Variants in RHOBTB1 observed in about 807,000 individuals in gnomAD.
The protein encoded by RHOBTB1 is rho-related BTB domain-containing protein 1.
A neutral mutation model predicts 71.6 loss-of-function variants in RHOBTB1; 40 were observed. The observed-to-expected ratio is 0.56, with a 90% confidence interval of 0.43 to 0.73. RHOBTB1 has a LOEUF of 0.73. RHOBTB1 is among the 30% of genes least tolerant of loss of function. RHOBTB1 has a pLI of 0.00. For missense variants in RHOBTB1, 797 were observed against 894.0 expected (o/e 0.89, Z 1.38); for synonymous variants, 319 against 334.9 (o/e 0.95, Z 0.52).
At chr10:60,976,899 G>A (rs1242956635) in intron 2 of RHOBTB1, among the ~76,000 whole-genome samples, 1 of 151,926 alleles carries the variant, frequency 6.6e-6, no homozygotes, top group Non-Finnish European at 1.5e-5. Flanking sequence ...AATCATCTGC[G>A]CCTTTGACAG....
chr10:60,970,217 T>C (rs1232947506), intron 2 of RHOBTB1, among the ~76,000 whole-genome samples: 1 of 152,096 alleles, frequency 6.6e-6, no homozygotes, highest in Non-Finnish European at 1.5e-5. Flanking sequence ...TGGTTATTTG[T>C]GGTTACAAGT....
chr10:60,971,727 C>T (rs1047898930), intron 2 of RHOBTB1, among the ~76,000 whole-genome samples: 5 of 152,122 alleles, frequency 3.3e-5, no homozygotes, highest in Non-Finnish European at 5.9e-5. Flanking sequence ...TTCTGCACAG[C>T]AAAAGAAACT....
downstream of RHOBTB1, among the ~76,000 whole-genome samples, chr10:60,864,961 G>A (rs2080630468): frequency 6.6e-6 from 1 of 152,212 alleles, no homozygotes; most frequent in Non-Finnish European, 1.5e-5. Flanking sequence ...AAAGTGCTGG[G>A]ATTACAGGCT....
intron 2 of RHOBTB1, among the ~76,000 whole-genome samples, chr10:60,925,631 A>T (rs1274364206): frequency 2.0e-5 from 3 of 152,150 alleles, no homozygotes; most frequent in Admixed American, 6.5e-5. Flanking sequence ...AACAAAATGA[A>T]TTTTTTTGAC....
chr10:60,997,016 T>C (rs1054786559), intron 1 of RHOBTB1, among the ~76,000 whole-genome samples: 1 of 151,740 alleles, frequency 6.6e-6, no homozygotes, highest in African/African-American at 2.4e-5. Flanking sequence ...TTTTTGAACA[T>C]GCTTGATTTG....
At chr10:60,894,101 CT>C (rs2082051585) in intron 4 of RHOBTB1, among the ~76,000 whole-genome samples, 1 of 152,152 alleles carries the variant, frequency 6.6e-6, no homozygotes, top group Admixed American at 6.5e-5. Context: ...AAACACCTTC[CT>C]TTTAAATCAT....
intron 1 of RHOBTB1, among the ~76,000 whole-genome samples, chr10:60,999,697 T>G (rs753831757): frequency 6.6e-6 from 1 of 152,216 alleles, no homozygotes; most frequent in African/African-American, 2.4e-5. Context: ...AAGAGGCATA[T>G]TTCATGGATT....
At chr10:60,925,620 C>A (rs1290265226) in intron 2 of RHOBTB1, among the ~76,000 whole-genome samples, 1 of 151,524 alleles carries the variant, frequency 6.6e-6, no homozygotes, top group African/African-American at 2.4e-5. Context: ...TAGAAAAAAT[C>A]AACAAAATGA....
In RHOBTB1 at chr10:60,871,438, G is replaced by C; in HGVS notation, c.*44C>G. 1 of 1,589,896 alleles carries C rather than the reference G, an allele frequency of 6.3e-7. No homozygotes were observed. Among genetic ancestry groups the C allele is most frequent in the Non-Finnish European group, 8.6e-7 (1 of 1,165,024 alleles). ...TAGTGCTTTGAAAAGTGGTGGATCA[G>C]ATTACCGATTGGTTTCTGTTTTTTG... On this transcript the variant is annotated 3_prime_UTR_variant, in exon 11 of 11. Transcript: ENST00000337910.
chr10:60,876,800 C>A (rs957764722), intron 8 of RHOBTB1, among the ~76,000 whole-genome samples: 2 of 152,152 alleles, frequency 1.3e-5, no homozygotes, highest in African/African-American at 4.8e-5. Flanking sequence ...ACTTTGATCT[C>A]CAGGTGGTTG....
At chr10:60,893,627 T>C (rs7078521) in intron 4 of RHOBTB1, among the ~76,000 whole-genome samples, 2 of 152,140 alleles carry the variant, frequency 1.3e-5, no homozygotes, top group Non-Finnish European at 2.9e-5. Context: ...ATTTAACATA[T>C]AACTAGGCGA....
chr10:60,986,430 T>TATATATAA (rs1216930797), intron 1 of RHOBTB1, among the ~76,000 whole-genome samples: 2 of 136,890 alleles, frequency 1.5e-5, no homozygotes, highest in African/African-American at 5.6e-5. Context: ...TATATATATA[T>TATATATAA]AAAATATATA....
chr10:60,939,990 A>G (rs2084811233), intron 2 of RHOBTB1, among the ~76,000 whole-genome samples: 1 of 152,154 alleles, frequency 6.6e-6, no homozygotes, highest in Non-Finnish European at 1.5e-5. Flanking sequence ...TGATATTTTT[A>G]TTATATACCA....
At chr10:60,906,285 C>T (rs183883323) in intron 4 of RHOBTB1, among the ~76,000 whole-genome samples, 5 of 152,306 alleles carry the variant, frequency 3.3e-5, no homozygotes, top group African/African-American at 4.8e-5. Context: ...CAAAAGGACT[C>T]ATGCTCCGCT....
At chr10:60,958,499 T>C (rs1469644400) in intron 2 of RHOBTB1, among the ~76,000 whole-genome samples, 1 of 152,188 alleles carries the variant, frequency 6.6e-6, no homozygotes, top group Non-Finnish European at 1.5e-5. Flanking sequence ...TATATAGATA[T>C]GGATTTCCAA....
intron 2 of RHOBTB1, among the ~76,000 whole-genome samples, chr10:60,964,524 GCTTTGGAGTCA>G (rs1230091793): frequency 6.6e-6 from 1 of 152,112 alleles, no homozygotes; most frequent in Admixed American, 6.5e-5. Context: ...AAGGCCACCT[GCTTTGGAGTCA>G]CTCTTGCCAG....
chr10:60,941,506 C>T (rs1289331761), intron 2 of RHOBTB1, among the ~76,000 whole-genome samples: 1 of 152,132 alleles, frequency 6.6e-6, no homozygotes, highest in African/African-American at 2.4e-5. Context: ...AATTATCAAG[C>T]ATCCAGATCC....
intron 2 of RHOBTB1, among the ~76,000 whole-genome samples, chr10:60,957,724 TGAAA>T (rs1371124223): frequency 1.3e-5 from 2 of 152,224 alleles, no homozygotes; most frequent in Non-Finnish European, 2.9e-5. Flanking sequence ...TCTGAATAAC[TGAAA>T]GAGATTCATA....
intron 4 of RHOBTB1, among the ~76,000 whole-genome samples, chr10:60,899,598 A>G (rs988893243): frequency 1.3e-5 from 2 of 152,196 alleles, no homozygotes; most frequent in African/African-American, 4.8e-5. Flanking sequence ...GAATCAGTAA[A>G]GGTATCAGGA....
Sources: allele counts gnomAD v4.1 joint callset (sites outside exome capture counted in the v4.1 genomes callset), GRCh38; gene constraint gnomAD v4.1.1; transcripts MANE v1.5; gene names NCBI Gene and HGNC (gene_info 2026-07-23, HGNC 2026-07-21).